The following MMP26 variants were observed in gnomAD, a reference collection of about 807,000 sequenced individuals.
The protein encoded by MMP26 is matrix metallopeptidase 26.
MMP26 carries 33 observed loss-of-function variants against 31.0 expected under a neutral mutation model. That is an observed-to-expected ratio of 1.06 (90% CI 0.81 to 1.42). MMP26 has a LOEUF of 1.42. Among genes scored for constraint, MMP26 ranks in the 40% most tolerant of loss-of-function variants. The pLI is 0.00. For synonymous variants in MMP26, 122 were observed against 114.9 expected, an observed-to-expected ratio of 1.06 and a Z score of -0.40; for missense variants, 347 against 316.1, an observed-to-expected ratio of 1.10 and a Z score of -0.74.
At chr11:4,945,356 A>C (rs12788743) in intron 2 of MMP26, 22,642 of 152,168 alleles carry the variant, frequency 0.15, 1,788 homozygotes, top group South Asian at 0.18. Context: ...AAAACTGTTC[A>C]GTAGGTTGAT....
At chr11:4,935,502 T>C (rs1275982743) in intron 2 of MMP26, among the ~76,000 whole-genome samples, 1 of 150,386 alleles carries the variant, frequency 6.6e-6, no homozygotes, top group African/African-American at 2.4e-5. Flanking sequence ...TTTCTAGATA[T>C]ACAATCATGT....
At chr11:4,946,045 C>CT in intron 2 of MMP26, 1 of 883,918 alleles carries the variant, frequency 1.1e-6, no homozygotes, top group Non-Finnish European at 1.7e-6. Flanking sequence ...TAAAATAACT[C>CT]TATGACAACA....
intron 2 of MMP26, among the ~76,000 whole-genome samples, chr11:4,878,986 A>G (rs1850422154): frequency 1.3e-5 from 2 of 152,206 alleles, no homozygotes; most frequent in African/African-American, 4.8e-5. Flanking sequence ...CTGTAATCCC[A>G]GCATTTTGGG....
At chr11:4,737,698 G>T (rs868587153) in intron 1 of MMP26, among the ~76,000 whole-genome samples, 1 of 148,448 alleles carries the variant, frequency 6.7e-6, no homozygotes, top group Non-Finnish European at 1.5e-5. Context: ...GGGTACTTTT[G>T]GTCCCCTTTC....
intron 2 of MMP26, among the ~76,000 whole-genome samples, chr11:4,799,791 A>G (rs6578528): frequency 0.37 from 56,105 of 152,034 alleles, 11,445 homozygotes; most frequent in African/African-American, 0.52. Context: ...AATCCAAAAG[A>G]GAGAAATTGT....
intron 2 of MMP26, among the ~76,000 whole-genome samples, chr11:4,967,746 G>A (rs1846615910): frequency 6.6e-6 from 1 of 152,108 alleles, no homozygotes; most frequent in South Asian, 2.1e-4. Flanking sequence ...ATGGTGTCCT[G>A]TTACAGATTC....
At chr11:4,847,948 A>G (rs1849897724) in intron 2 of MMP26, 1 of 353,252 alleles carries the variant, frequency 2.8e-6, no homozygotes, top group Non-Finnish European at 5.1e-6. Flanking sequence ...CAGGACTAAC[A>G]ACAATAAGAT....
intron 1 of MMP26, chr11:4,722,792 A>T (rs1296477349): frequency 2.0e-6 from 2 of 992,518 alleles, no homozygotes; most frequent in East Asian, 4.8e-5. Flanking sequence ...GGGTCTCGAT[A>T]TTCTTCACAA....
chr11:4,902,091 A>G (rs1459233615), intron 2 of MMP26, among the ~76,000 whole-genome samples: 2 of 152,184 alleles, frequency 1.3e-5, no homozygotes, highest in African/African-American at 4.8e-5. Context: ...TTTTCGTTAC[A>G]CACACAAAAG....
At chr11:4,958,977 G>C (rs565809593) in intron 2 of MMP26, among the ~76,000 whole-genome samples, 1 of 152,070 alleles carries the variant, frequency 6.6e-6, no homozygotes, top group Non-Finnish European at 1.5e-5. Flanking sequence ...GGTGGCTCAC[G>C]CCTGTAATCC....
At chr11:4,803,172 A>G (rs554550379) in intron 2 of MMP26, among the ~76,000 whole-genome samples, 2 of 152,308 alleles carry the variant, frequency 1.3e-5, no homozygotes, top group East Asian at 3.9e-4. Context: ...TCACTGATTT[A>G]ATAGGTAAAA....
chr11:4,715,343 A>AAG (rs1025839173), intron 1 of MMP26, among the ~76,000 whole-genome samples: 4 of 151,378 alleles, frequency 2.6e-5, no homozygotes, highest in Non-Finnish European at 2.9e-5. Context: ...TTTCCTGTAA[A>AAG]AAAAAAAAAA....
intron 2 of MMP26, among the ~76,000 whole-genome samples, chr11:4,805,166 A>G (rs1367850264): frequency 6.6e-6 from 1 of 152,192 alleles, no homozygotes; most frequent in Non-Finnish European, 1.5e-5. Flanking sequence ...GTAGGAAGTC[A>G]GTAGAGTTTG....
chr11:4,906,532 G>A (rs1275992757), intron 2 of MMP26, among the ~76,000 whole-genome samples: 1 of 151,348 alleles, frequency 6.6e-6, no homozygotes, highest in African/African-American at 2.4e-5. Flanking sequence ...TACCTCATAA[G>A]TATAAGAGGT....
chr11:4,760,054 G>A (rs916402403), intron 1 of MMP26, among the ~76,000 whole-genome samples: 1 of 152,206 alleles, frequency 6.6e-6, no homozygotes, highest in African/African-American at 2.4e-5. Flanking sequence ...ATTAGTAAGA[G>A]TACTCAAGAT....
intron 1 of MMP26, among the ~76,000 whole-genome samples, chr11:4,718,438 T>C (rs942671537): frequency 2.0e-5 from 3 of 152,230 alleles, no homozygotes; most frequent in Admixed American, 2.0e-4. Flanking sequence ...TTGTTTGATG[T>C]GGCCTTCATT....
At chr11:4,927,913 G>A (rs1851295310) in intron 2 of MMP26, among the ~76,000 whole-genome samples, 1 of 152,090 alleles carries the variant, frequency 6.6e-6, no homozygotes, top group Admixed American at 6.6e-5. Context: ...CATCTATCAT[G>A]CCTGATCTGT....
chr11:4,731,572 A>G (rs922167437), intron 1 of MMP26, among the ~76,000 whole-genome samples: 1 of 152,090 alleles, frequency 6.6e-6, no homozygotes, highest in Non-Finnish European at 1.5e-5. Context: ...CTCCTTCCAC[A>G]CTGATGTTTC....
chr11:4,970,818 G>T (rs995653100), intron 2 of MMP26, among the ~76,000 whole-genome samples: 1 of 152,134 alleles, frequency 6.6e-6, no homozygotes, highest in Non-Finnish European at 1.5e-5. Context: ...GGTGCCAGTG[G>T]TGGTGATATC....
Sources: gnomAD v4.1 joint callset for allele counts (sites outside exome capture counted in the v4.1 genomes callset) on GRCh38, gnomAD v4.1.1 for gene constraint, MANE v1.5 for transcripts, NCBI Gene and HGNC (gene_info 2026-07-23, HGNC 2026-07-21) for gene names.